Variants in RBFOX1 observed in about 807,000 individuals in gnomAD.
RBFOX1 encodes the protein RNA binding protein fox-1 homolog 1.
Under a neutral mutation model 57.7 loss-of-function variants are expected in RBFOX1, and 8 were observed. That is an observed-to-expected ratio of 0.14 (90% CI 0.08 to 0.25). The LOEUF (loss-of-function observed/expected upper bound fraction) is 0.25, where lower values mean the gene tolerates loss of function less well. RBFOX1 is among the 10% of genes least tolerant of loss of function. The pLI is 1.00. For synonymous variants in RBFOX1, 326 were observed against 222.4 expected (o/e 1.47, Z -4.15); for missense variants, 611 against 548.5 (o/e 1.11, Z -1.14).
chr16:6,564,044 C>T (rs1467365241), intron 2 of RBFOX1, among the ~76,000 whole-genome samples: 1 of 152,096 alleles, frequency 6.6e-6, no homozygotes, highest in Non-Finnish European at 1.5e-5. Context: ...CAAGCTATTT[C>T]TAGCCACCCT....
chr16:6,175,055 A>G (rs1389540455), intron 1 of RBFOX1, among the ~76,000 whole-genome samples: 1 of 152,206 alleles, frequency 6.6e-6, no homozygotes. Context: ...CGTATCTCCC[A>G]GAGTTGTTAT....
intron 2 of RBFOX1, among the ~76,000 whole-genome samples, chr16:6,341,311 T>C (rs1599821390): frequency 6.6e-6 from 1 of 152,096 alleles, no homozygotes; most frequent in Admixed American, 6.5e-5. Context: ...GCAGGTTGAG[T>C]CTCTTTCACA....
intron 14 of RBFOX1, among the ~76,000 whole-genome samples, chr16:7,704,773 G>C (rs1034130297): frequency 6.6e-6 from 1 of 152,214 alleles, no homozygotes; most frequent in Non-Finnish European, 1.5e-5. Flanking sequence ...CAGTCAGGCT[G>C]GGTGTGGTAG....
intron 3 of RBFOX1, 51 bp from the exon 4 acceptor site, chr16:7,052,006 T>C: frequency 6.3e-7 from 1 of 1,592,650 alleles, no homozygotes; most frequent in Non-Finnish European, 8.5e-7. Context: ...TTTCATGTTT[T>C]TCTGATCCGG....
intron 3 of RBFOX1, among the ~76,000 whole-genome samples, chr16:6,970,677 T>C (rs1486303295): frequency 2.6e-5 from 4 of 152,188 alleles, no homozygotes; most frequent in Non-Finnish European, 5.9e-5. Context: ...CGTAATCACC[T>C]TCTAAAAATC....
rs1337509465 is a variant in RBFOX1, at chr16:6,842,663, TTTAA to T, written c.-16+188016_-16+188019del. ...TTTAAATCTATTTGCTTTTTTTTTTTTTAATTTTACTTCAAGTTCTGGGATACAT... is the reference window on the plus strand; with the variant it reads ...TTTAAATCTATTTGCTTTTTTTTTTTTTTTACTTCAAGTTCTGGGATACAT... On this transcript the variant is annotated intron_variant, in intron 3 of 15. Transcript: ENST00000550418. 4.2e-3 allele frequency among the ~76,000 whole-genome samples: 631 copies of T among 151,820 alleles called. 5 individuals are homozygous for T. The highest frequency in any genetic ancestry group is 6.4e-3 in the Non-Finnish European group (433 of 67,924).
chr16:6,526,114 A>T (rs2096574112), intron 2 of RBFOX1, among the ~76,000 whole-genome samples: 1 of 152,206 alleles, frequency 6.6e-6, no homozygotes, highest in South Asian at 2.1e-4. Flanking sequence ...AGATAAAGTG[A>T]GTCATGGAAT....
intron 1 of RBFOX1, among the ~76,000 whole-genome samples, chr16:6,064,474 A>T (rs1458275338): frequency 1.3e-5 from 2 of 152,216 alleles, no homozygotes. Flanking sequence ...CAAGTGGGCA[A>T]TGTAGTAAGC....
intron 2 of RBFOX1, among the ~76,000 whole-genome samples, chr16:5,588,254 T>G (rs1314077466): frequency 1.3e-5 from 2 of 152,050 alleles, no homozygotes; most frequent in African/African-American, 4.8e-5. Context: ...TTCATGGTGA[T>G]GAAAACGTTG....
intron 4 of RBFOX1, among the ~76,000 whole-genome samples, chr16:7,393,102 G>T (rs2098070841): frequency 6.6e-6 from 1 of 152,160 alleles, no homozygotes; most frequent in Non-Finnish European, 1.5e-5. Flanking sequence ...TGGAACTCCT[G>T]ACCTCAGGTG....
chr16:6,029,411 A>G (rs575354011), intron 1 of RBFOX1, among the ~76,000 whole-genome samples: 1 of 152,338 alleles, frequency 6.6e-6, no homozygotes, highest in South Asian at 2.1e-4. Context: ...ACTTGACATT[A>G]TATATGCACA....
chr16:6,109,904 A>G (rs1246941901), intron 1 of RBFOX1, among the ~76,000 whole-genome samples: 1 of 152,194 alleles, frequency 6.6e-6, no homozygotes, highest in African/African-American at 2.4e-5. Context: ...ACTGAATCAA[A>G]TGCAGAGCTT....
At chr16:7,501,036 A>G (rs971172652) in intron 4 of RBFOX1, among the ~76,000 whole-genome samples, 2 of 152,162 alleles carry the variant, frequency 1.3e-5, no homozygotes, top group Admixed American at 6.5e-5. Context: ...CCATGATTGT[A>G]AGTTTCCTGA....
intron 3 of RBFOX1, among the ~76,000 whole-genome samples, chr16:7,007,969 A>G (rs1412898275): frequency 6.6e-6 from 1 of 152,162 alleles, no homozygotes; most frequent in Non-Finnish European, 1.5e-5. Context: ...ATGGCAACAG[A>G]TTTCAGAAAT....
At chr16:7,107,544 A>G (rs2063825297) in intron 4 of RBFOX1, among the ~76,000 whole-genome samples, 1 of 152,092 alleles carries the variant, frequency 6.6e-6, no homozygotes, top group Non-Finnish European at 1.5e-5. Flanking sequence ...TTCTGTGCAT[A>G]CCTGACAAAC....
chr16:5,579,572 G>T (rs372887336), intron 2 of RBFOX1, among the ~76,000 whole-genome samples: 2 of 151,938 alleles, frequency 1.3e-5, no homozygotes, highest in Admixed American at 1.3e-4. Context: ...TCTCCAGCTC[G>T]CCCTGCTGCT....
At chr16:7,403,016 C>T (rs1332690253) in intron 4 of RBFOX1, among the ~76,000 whole-genome samples, 1 of 152,228 alleles carries the variant, frequency 6.6e-6, no homozygotes, top group Non-Finnish European at 1.5e-5. Context: ...ACTCCCCGTT[C>T]ACGATGCAGT....
chr16:6,922,552 T>C (rs2074705411), intron 3 of RBFOX1, among the ~76,000 whole-genome samples: 1 of 152,218 alleles, frequency 6.6e-6, no homozygotes, highest in South Asian at 2.1e-4. Context: ...TGTTTTCATT[T>C]CCAGGAGACA....
At chr16:6,946,736 G>C (rs1568018820) in intron 3 of RBFOX1, among the ~76,000 whole-genome samples, 2 of 151,926 alleles carry the variant, frequency 1.3e-5, no homozygotes, top group African/African-American at 4.8e-5. Context: ...CCAAATAGCT[G>C]GGACTACAGA....
Sources: allele counts gnomAD v4.1 joint callset (sites outside exome capture counted in the v4.1 genomes callset), GRCh38; gene constraint gnomAD v4.1.1; transcripts MANE v1.5; gene names NCBI Gene and HGNC (gene_info 2026-07-23, HGNC 2026-07-21).